PTK2: variants seen among roughly 807,000 people sequenced by gnomAD.
PTK2 encodes focal adhesion kinase 1.
In PTK2, 45 loss-of-function variants were observed where a neutral mutation model predicts 150.1. The ratio of observed to expected loss-of-function variants is 0.30; its 90% CI spans 0.24 to 0.38. The LOEUF (loss-of-function observed/expected upper bound fraction) is 0.38. Among genes scored for constraint, PTK2 ranks in the 10% least tolerant of loss-of-function variants. The probability of loss-of-function intolerance (pLI) is 1.00; values close to 1 mark genes in which losing one functional copy is unlikely to be tolerated. For synonymous variants in PTK2, 432 were observed against 449.2 expected (o/e 0.96, Z 0.48); for missense variants, 919 against 1,307.3 (o/e 0.70, Z 4.58).
chr8:140,777,244 T>C (rs1217607563), intron 14 of PTK2, among the ~76,000 whole-genome samples: 2 of 152,204 alleles, frequency 1.3e-5, no homozygotes, highest in East Asian at 1.9e-4. Context: ...ATGGAAAGCA[T>C]GGTGCTGACA....
chr8:140,928,398 TG>T (rs1195302921), intron 1 of PTK2, among the ~76,000 whole-genome samples: 4 of 151,814 alleles, frequency 2.6e-5, no homozygotes, highest in African/African-American at 9.7e-5. Flanking sequence ...ACAACATGGG[TG>T]GTCCTAAAAA....
At chr8:140,837,757 AT>A (rs993200171) in intron 7 of PTK2, among the ~76,000 whole-genome samples, 3 of 149,876 alleles carry the variant, frequency 2.0e-5, no homozygotes, top group African/African-American at 7.4e-5. Context: ...AAAAAAAGTC[AT>A]TTAGAAATAC....
chr8:140,871,004 A>G (rs1328562225), intron 4 of PTK2, among the ~76,000 whole-genome samples: 2 of 152,184 alleles, frequency 1.3e-5, no homozygotes, highest in African/African-American at 4.8e-5. Context: ...TTTAGTGGGT[A>G]GAAGCCATAC....
intron 27 of PTK2, among the ~76,000 whole-genome samples, chr8:140,682,319 T>C (rs1589871349): frequency 6.6e-6 from 1 of 151,876 alleles, no homozygotes; most frequent in African/African-American, 2.4e-5. Flanking sequence ...GAGGCGGAGG[T>C]TATCACGCCA....
intron 1 of PTK2, among the ~76,000 whole-genome samples, chr8:140,988,933 T>TA (rs1430862298): frequency 1.3e-5 from 2 of 151,838 alleles, no homozygotes; most frequent in Non-Finnish European, 2.9e-5. Context: ...ATTATACAGT[T>TA]AAAGATAAAA....
At chr8:140,938,143 T>C (rs940366085) in intron 1 of PTK2, among the ~76,000 whole-genome samples, 2 of 152,062 alleles carry the variant, frequency 1.3e-5, no homozygotes, top group Non-Finnish European at 2.9e-5. Flanking sequence ...ACGATGCAAA[T>C]AGAAGGCGTC....
At chr8:140,905,845 G>A (rs2100160668) in intron 2 of PTK2, among the ~76,000 whole-genome samples, 1 of 152,120 alleles carries the variant, frequency 6.6e-6, no homozygotes, top group African/African-American at 2.4e-5. Context: ...AATCAAATTG[G>A]AACTCAGGAT....
At chr8:140,736,535 A>G (rs2100052704) in intron 21 of PTK2, among the ~76,000 whole-genome samples, 1 of 151,916 alleles carries the variant, frequency 6.6e-6, no homozygotes, top group South Asian at 2.1e-4. Flanking sequence ...TTCAAAAAAA[A>G]AAAAAATTTA....
chr8:141,000,354 C>T (rs2100199633), intron 1 of PTK2, among the ~76,000 whole-genome samples: 1 of 152,212 alleles, frequency 6.6e-6, no homozygotes, highest in Non-Finnish European at 1.5e-5. Flanking sequence ...TTCGGGGACA[C>T]GGCGGGCTTG....
intron 14 of PTK2, among the ~76,000 whole-genome samples, 185 bp downstream of exon 16, chr8:140,769,390 A>C (rs1426228325): frequency 2.0e-5 from 3 of 152,232 alleles, no homozygotes; most frequent in Non-Finnish European, 1.5e-5. Context: ...AATGTGATTA[A>C]GAAATTGATA....
intron 5 of PTK2, among the ~76,000 whole-genome samples, chr8:140,847,750 C>A (rs933911704): frequency 6.6e-6 from 1 of 152,146 alleles, no homozygotes; most frequent in Non-Finnish European, 1.5e-5. Context: ...TTTACTCTGA[C>A]CCTTTATATA....
At chr8:140,968,344 G>A (rs2100186022) in intron 1 of PTK2, among the ~76,000 whole-genome samples, 1 of 152,032 alleles carries the variant, frequency 6.6e-6, no homozygotes, top group Non-Finnish European at 1.5e-5. Flanking sequence ...TAACTACACT[G>A]TTAGGAACTG....
Position 140,752,223 on chromosome 8 carries a change from G to A in PTK2, c.1417+9C>T, listed in dbSNP as rs765435362. The A allele has an allele frequency of 1.1e-5, 18 of 1,606,354 alleles. No homozygotes were observed. The South Asian group carries it at 1.5e-4, about 14-fold the overall frequency. ...AAATGGAGTTCCACAGAAATTTCTA[G>A]ACACTTACAGGCTTCTTGAAGAAAT... is the stretch of plus-strand genomic sequence containing the variant. On this transcript the variant is annotated intron_variant, in intron 17 of 31. Coordinates refer to ENST00000522684, the Ensembl canonical transcript of PTK2.
chr8:140,659,782 T>TG lies in PTK2; in HGVS notation c.2947-105dup, dbSNP rs2076800701. The TG allele has an allele frequency of 1.8e-5, 18 of 1,024,946 alleles. No homozygotes were observed. In the South Asian group the frequency reaches 2.8e-4, roughly 16 times the overall value. The allele number at this position is 1,024,946 out of a possible 1,614,324, so 63.5% of individuals were successfully genotyped here. On this transcript the variant is annotated intron_variant, in intron 31 of 31. Transcript: ENST00000522684. The stretch of plus-strand genomic sequence containing the variant: ...GTTGTCCAAGCTTGCCTCAAACTCC[T>TG]GGGCTCAAGGAATCTTCCTGCCTCA...
intron 29 of PTK2, among the ~76,000 whole-genome samples, chr8:140,671,378 T>C (rs957683470): frequency 1.3e-5 from 2 of 152,152 alleles, no homozygotes; most frequent in Non-Finnish European, 1.5e-5. Context: ...CACACTACTA[T>C]GCACAGCTAA....
intron 7 of PTK2, among the ~76,000 whole-genome samples, chr8:140,842,843 TCA>T (rs1567378312): frequency 6.6e-6 from 1 of 152,104 alleles, no homozygotes; most frequent in African/African-American, 2.4e-5. Flanking sequence ...ACTTTAAATA[TCA>T]CACATATAAA....
chr8:140,700,161 A>T (rs561938154), intron 26 of PTK2, among the ~76,000 whole-genome samples: 1 of 152,286 alleles, frequency 6.6e-6, no homozygotes, highest in African/African-American at 2.4e-5. Context: ...TTTAGTATTT[A>T]AAAAATACTG....
intron 2 of PTK2, among the ~76,000 whole-genome samples, chr8:140,918,955 A>C (rs142949613): frequency 1.3e-5 from 2 of 152,220 alleles, no homozygotes; most frequent in African/African-American, 2.4e-5. Flanking sequence ...ATTAACCAGC[A>C]TAACAACAAG....
chr8:140,731,763 G>T (rs1339803443), intron 22 of PTK2, among the ~76,000 whole-genome samples: 1 of 152,098 alleles, frequency 6.6e-6, no homozygotes, highest in Non-Finnish European at 1.5e-5. Context: ...GGGTGTGGTG[G>T]TGTGGTGTGC....
Sources: allele counts gnomAD v4.1 joint callset (sites outside exome capture counted in the v4.1 genomes callset), GRCh38; gene constraint gnomAD v4.1.1; transcripts MANE v1.5; gene names NCBI Gene and HGNC (gene_info 2026-07-23, HGNC 2026-07-21).